The following NETO1 variants were observed in gnomAD, a reference collection of about 807,000 sequenced individuals.
The protein encoded by NETO1 is neuropilin and tolloid like 1, also known as neuropilin and tolloid-like protein 1.
NETO1 carries 26 observed loss-of-function variants against 61.3 expected under a neutral mutation model. That is an observed-to-expected ratio of 0.42 (90% confidence interval 0.31 to 0.59). The LOEUF (loss-of-function observed/expected upper bound fraction) is 0.59, where lower values mean the gene tolerates loss of function less well. Among genes scored for constraint, NETO1 ranks in the 20% least tolerant of loss-of-function variants. The probability of loss-of-function intolerance (pLI) is 0.12; values close to 1 mark genes in which losing one functional copy is unlikely to be tolerated. For missense variants in NETO1, 531 were observed against 662.8 expected (o/e 0.80, Z 2.18); for synonymous variants, 225 against 225.8 (o/e 1.00, Z 0.03).
chr18:72,848,268 C>T (rs1790419728), intron 4 of NETO1, among the ~76,000 whole-genome samples: 1 of 152,130 alleles, frequency 6.6e-6, no homozygotes, highest in Admixed American at 6.5e-5. Context: ...AATCTGGCCA[C>T]CAAGATTCAT....
intron 6 of NETO1, among the ~76,000 whole-genome samples, chr18:72,792,800 G>T (rs900807): frequency 0.34 from 51,057 of 151,400 alleles, 8,893 homozygotes; most frequent in Non-Finnish European, 0.39. Context: ...ACGCTTTCAT[G>T]TGGTCACGTG....
At position 72,750,469 on chromosome 18, in the gene NETO1, G is replaced by A. The variant is rs770919876; in HGVS notation, c.1134C>T (p.Asp378=). Residue 378 remains aspartate, a synonymous_variant, in exon 9 of 11, where the codon GAC becomes GAT. Transcript: ENST00000327305. ...PRKKYVQRKS[D]FDQTVFQEVF... Reference sequence around the variant, plus strand: ...CCTCCTGGAAAACTGTCTGGTCAAAGTCTGATTTCCTTTGGACATACTTTT... The same window carrying A: ...CCTCCTGGAAAACTGTCTGGTCAAAATCTGATTTCCTTTGGACATACTTTT... 1.5e-5 allele frequency: 25 copies of A among 1,613,994 alleles called. No homozygotes were observed. Among genetic ancestry groups the A allele is most frequent in the Non-Finnish European group, 2.0e-5 (24 of 1,180,012 alleles).
chr18:72,800,893 G>T (rs2072483768), intron 4 of NETO1, among the ~76,000 whole-genome samples: 1 of 152,206 alleles, frequency 6.6e-6, no homozygotes, highest in Non-Finnish European at 1.5e-5. Context: ...CTTAACACTT[G>T]TCCAATCCAC....
chr18:72,827,062 A>G (rs2073397791), intron 4 of NETO1, among the ~76,000 whole-genome samples: 1 of 148,712 alleles, frequency 6.7e-6, no homozygotes, highest in Admixed American at 6.7e-5. Context: ...GGATCCCCAG[A>G]GAACCGCCCA....
intron 4 of NETO1, among the ~76,000 whole-genome samples, chr18:72,822,481 G>A (rs1463322499): frequency 6.6e-6 from 1 of 152,188 alleles, no homozygotes; most frequent in Non-Finnish European, 1.5e-5. Context: ...GCAGGGAGCG[G>A]GAGCCATTTG....
At chr18:72,807,142 A>G (rs908351698) in intron 4 of NETO1, among the ~76,000 whole-genome samples, 1 of 152,192 alleles carries the variant, frequency 6.6e-6, no homozygotes, top group African/African-American at 2.4e-5. Context: ...TATAAAATTC[A>G]TATCACCATG....
At chr18:72,758,231 A>G (rs1406626775) in intron 7 of NETO1, among the ~76,000 whole-genome samples, 1 of 152,162 alleles carries the variant, frequency 6.6e-6, no homozygotes, top group East Asian at 1.9e-4. Context: ...AGGATCAGTT[A>G]CTACATATTA....
chr18:72,853,852 G>A (rs2074333442), intron 4 of NETO1, among the ~76,000 whole-genome samples: 2 of 151,284 alleles, frequency 1.3e-5, no homozygotes, highest in South Asian at 4.2e-4. Context: ...TTTAGTTGTT[G>A]AATAAATAAT....
intron 4 of NETO1, among the ~76,000 whole-genome samples, chr18:72,827,077 T>C (rs1186206972): frequency 7.6e-6 from 1 of 131,794 alleles, no homozygotes; most frequent in Non-Finnish European, 1.6e-5. Flanking sequence ...CGCCCAGCCA[T>C]ATTCAATGCT....
At chr18:72,793,918 C>A (rs2072223745) in intron 6 of NETO1, among the ~76,000 whole-genome samples, 199 bp downstream of exon 6, 1 of 152,202 alleles carries the variant, frequency 6.6e-6, no homozygotes, top group African/African-American at 2.4e-5. Context: ...TCAACTCACT[C>A]TCTAGATTGC....
intron 4 of NETO1, among the ~76,000 whole-genome samples, chr18:72,802,677 T>C (rs537789216): frequency 6.6e-6 from 1 of 152,342 alleles, no homozygotes; most frequent in East Asian, 1.9e-4. Context: ...ACATTTGCAT[T>C]GATGGTGCAA....
intron 8 of NETO1, among the ~76,000 whole-genome samples, chr18:72,752,734 G>C (rs950239381): frequency 2.0e-5 from 3 of 152,030 alleles, no homozygotes; most frequent in African/African-American, 7.2e-5. Flanking sequence ...TATGTCTAAG[G>C]AACTAAAGCA....
At chr18:72,807,033 G>A (rs1056046692) in intron 4 of NETO1, among the ~76,000 whole-genome samples, 1 of 152,104 alleles carries the variant, frequency 6.6e-6, no homozygotes, top group African/African-American at 2.4e-5. Context: ...AATATCAATG[G>A]CAGAAAAATC....
chr18:72,806,979 T>C (rs765464399), intron 4 of NETO1, among the ~76,000 whole-genome samples: 3 of 152,216 alleles, frequency 2.0e-5, no homozygotes, highest in African/African-American at 4.8e-5. Flanking sequence ...CCAGAGTGTT[T>C]GTAGTTTTTG....
At chr18:72,763,012 C>G (rs1020661095) in intron 7 of NETO1, among the ~76,000 whole-genome samples, 4 of 152,052 alleles carry the variant, frequency 2.6e-5, no homozygotes, top group African/African-American at 7.2e-5. Flanking sequence ...ATAGATGTAC[C>G]TCCGATTTTA....
intron 7 of NETO1, among the ~76,000 whole-genome samples, chr18:72,779,833 G>T (rs1408162021): frequency 2.6e-5 from 4 of 152,122 alleles, no homozygotes; most frequent in Admixed American, 6.5e-5. Context: ...TAAAAAACAG[G>T]GTTTTGTTTC....
intron 4 of NETO1, among the ~76,000 whole-genome samples, chr18:72,797,530 G>A (rs947381955): frequency 6.6e-6 from 1 of 152,082 alleles, no homozygotes; most frequent in African/African-American, 2.4e-5. Flanking sequence ...GTTTGTGGAT[G>A]AGGACATGAA....
intron 4 of NETO1, among the ~76,000 whole-genome samples, chr18:72,850,984 T>G (rs8098624): frequency 6.6e-6 from 1 of 151,982 alleles, no homozygotes; most frequent in Non-Finnish European, 1.5e-5. Context: ...ATTTCTGTGC[T>G]GCAACTGAGT....
At chr18:72,866,595 A>G (rs1348864034) in intron 1 of NETO1, 3 of 535,758 alleles carry the variant, frequency 5.6e-6, no homozygotes, top group East Asian at 1.5e-4. Flanking sequence ...ACCCCTCTCA[A>G]CTGCGTGGCC....
Sources: allele counts gnomAD v4.1 joint callset (sites outside exome capture counted in the v4.1 genomes callset), GRCh38; gene constraint gnomAD v4.1.1; transcripts MANE v1.5; gene names NCBI Gene and HGNC (gene_info 2026-07-23, HGNC 2026-07-21).